The following EIF3B variants were observed in gnomAD, a reference collection of about 807,000 sequenced individuals.
The protein encoded by EIF3B is eukaryotic translation initiation factor 3 subunit B, also known as eukaryotic translation initiation factor 3 subunit 9.
In EIF3B, 10 loss-of-function variants were observed where a neutral mutation model predicts 104.6. That is an observed-to-expected ratio of 0.10 (90% CI 0.06 to 0.16). The LOEUF (loss-of-function observed/expected upper bound fraction) is 0.16. Among genes scored for constraint, EIF3B ranks in the 10% least tolerant of loss-of-function variants. The pLI is 1.00. For synonymous variants in EIF3B, 542 were observed against 417.2 expected (o/e 1.30, Z -3.65); for missense variants, 1,014 against 1,087.9 (o/e 0.93, Z 0.96).
chr7:2,367,026 T>C lies in EIF3B; in HGVS notation c.1384T>C (p.Leu462=). The C allele has an allele frequency of 6.2e-7, 1 of 1,613,878 alleles. No individual in the cohort carries two copies. Among genetic ancestry groups the C allele is most frequent in the South Asian group, 1.1e-5 (1 of 91,038 alleles). The change falls in exon 9 of 19, where the codon TTG becomes CTG. Residue 462 remains leucine (L), a synonymous_variant. Coordinates refer to ENST00000360876, the MANE Select transcript of EIF3B (RefSeq NM_001037283.2). The part of the protein sequence containing the change: ...PSMGLLDKKS[L]KISGIKDFSW... Reference sequence around the variant, plus strand: ...TATGGGTCTTTTGGACAAGAAGAGTTTGAAGATCTCTGGGATAAAGTGAGT... The same window carrying C: ...TATGGGTCTTTTGGACAAGAAGAGTCTGAAGATCTCTGGGATAAAGTGAGT...
At position 2,363,649 on chromosome 7, in the gene EIF3B, G is replaced by T; in HGVS notation, c.888G>T (p.Trp296Cys). 1 of 1,608,154 alleles carries T rather than the reference G, an allele frequency of 6.2e-7. No individual in the cohort carries two copies. Among genetic ancestry groups the T allele is most frequent in the Non-Finnish European group, 8.5e-7 (1 of 1,178,406 alleles). ...TTTTTAAGGGGAACTTACGTTACTG[G>T]CTTGAAGAGGCAGAATGCAGAGATC... ...PFKDLGNLRY[W>C]LEEAECRDQY... Residue 296 changes from tryptophan to cysteine, a missense_variant, in exon 5 of 19, where the codon TGG (tryptophan) becomes TGT (cysteine). By Grantham distance (215) the Trp-to-Cys change is radical. Coordinates refer to ENST00000360876, the MANE Select transcript of EIF3B (RefSeq NM_001037283.2).
chr7:2,363,603 A>G, intron 4 of EIF3B, 29 bp from the exon 5 acceptor site: 1 of 1,571,936 alleles, frequency 6.4e-7, no homozygotes, highest in Middle Eastern at 1.7e-4. Flanking sequence ...AATTAATGAA[A>G]TGTTATATTC....
intron 9 of EIF3B, among the ~76,000 whole-genome samples, chr7:2,367,615 A>G (rs1780095252): frequency 2.0e-5 from 3 of 151,048 alleles, no homozygotes; most frequent in Admixed American, 2.0e-4. Context: ...GACTACAGGC[A>G]TGTGCCACCA....
chr7:2,363,533 G>A, intron 4 of EIF3B, 99 bp from the exon 5 acceptor site: 10 of 1,087,472 alleles, frequency 9.2e-6, no homozygotes, highest in Non-Finnish European at 1.3e-5. Flanking sequence ...TGGGAGTTAA[G>A]ATGTGGACTG....
intron 15 of EIF3B, 58 bp downstream of exon 15, chr7:2,377,133 A>G: frequency 1.9e-6 from 3 of 1,542,652 alleles, no homozygotes; most frequent in East Asian, 2.3e-5. Flanking sequence ...GGCGTTGAAA[A>G]GGTGTCAGTT....
Position 2,379,889 on chromosome 7 carries a change from G to A in EIF3B, c.*15-315G>A, listed in dbSNP as rs554720963. 1.1e-5 allele frequency: 3 copies of A among 272,696 alleles called. No homozygotes were observed. The East Asian group carries it at 3.1e-4, about 29-fold the overall frequency. The allele number at this position is 272,696 out of a possible 1,614,324, so 16.9% of individuals were successfully genotyped here. On this transcript the variant is annotated intron_variant, in intron 18 of 18. Transcript: ENST00000360876. ...GTGCACGGCTGTGACTGTGGTTTCA[G>A]CAGTTCTGAGACAAGAGCCTTCCAA...
At position 2,378,186 on chromosome 7, in the gene EIF3B, C is replaced by T. The variant is rs55890083; in HGVS notation, c.2155-503C>T. ...GGTGTCAAGGAGGAAGGAGCAGGCG[C>T]GAGCGCTCCTGGGAAGCCGTGTTGT... On this transcript the variant is annotated intron_variant, in intron 15 of 18. Transcript: ENST00000360876. 90 of 94,150 alleles carry T rather than the reference C, an allele frequency of 9.6e-4. 1 individual carries two copies. The highest frequency in any genetic ancestry group is 1.3e-3 in the Non-Finnish European group (61 of 45,332). The allele number at this position is 94,150 out of a possible 1,614,324, so 5.8% of individuals were successfully genotyped here. A position where few individuals can be genotyped will look rare whatever the true frequency, so the allele number is the denominator to read the frequency against.
At chr7:2,354,581 A>G (rs1779276033), upstream of EIF3B, among the ~76,000 whole-genome samples, 2 of 152,170 alleles carry the variant, frequency 1.3e-5, no homozygotes, top group Non-Finnish European at 2.9e-5. Context: ...AAGGGGGAGG[A>G]CGCCATGTTG....
chr7:2,372,918 G>T, intron 12 of EIF3B, 123 bp downstream of exon 12: 1 of 1,149,532 alleles, frequency 8.7e-7, no homozygotes, highest in Non-Finnish European at 1.2e-6. Context: ...ACTCGCCTAT[G>T]AATGGGGTGT....
chr7:2,367,825 A>ATTTTTTTTT lies in EIF3B; in HGVS notation c.1403+806_1403+814dup, dbSNP rs71026506. Among the ~76,000 whole-genome samples, 74 of 60,300 alleles carry ATTTTTTTTT rather than the reference A, an allele frequency of 1.2e-3. 1 individual carries two copies. The highest frequency in any genetic ancestry group is 4.6e-3 in the African/African-American group (54 of 11,656). 39.6% of individuals were successfully genotyped at this position (60,300 alleles called of 152,430 possible). ...ACGGTGAGTTTGTTCTTTTTTTAAA[A>ATTTTTTTTT]TTTTTTTTTTTTTTTTTTTTTTTTT... On this transcript the variant is annotated intron_variant, in intron 9 of 18. Transcript: ENST00000360876.
rs771555375 is a variant in EIF3B, at chr7:2,362,705, C to T, written c.753C>T (p.Asp251=). The T allele has an allele frequency of 1.4e-5, 22 of 1,614,112 alleles. No individual in the cohort carries two copies. Among genetic ancestry groups the T allele is most frequent in the South Asian group, 3.3e-5 (3 of 91,090 alleles). Residue 251 remains aspartate (D), a synonymous_variant, in exon 3 of 19, where the codon GAC becomes GAT. Transcript: ENST00000360876. The part of the protein sequence containing the change: ...AHAVDAVKNA[D]GYKLDKQHTF... ...CTGTGGATGCTGTGAAGAACGCCGA[C>T]GGCTACAAGCTTGACAAGCAGCACA...
chr7:2,366,350 G>A lies in EIF3B; in HGVS notation c.1191G>A (p.Thr397=), dbSNP rs201449328. Residue 397 remains threonine, a synonymous_variant, in exon 7 of 19, where the codon ACG becomes ACA. Coordinates refer to ENST00000360876, the MANE Select transcript of EIF3B (RefSeq NM_001037283.2). The stretch of plus-strand genomic sequence containing the variant: ...TGACCTTTAGCCCCCTGATGGACAC[G>A]CAGGATGACCCTCAGGCCATAATCA... The part of the protein sequence containing the change: ...YLVTFSPLMD[T]QDDPQAIIIW... The A allele has an allele frequency of 1.2e-5, 19 of 1,612,856 alleles. No homozygotes were observed. Among genetic ancestry groups the A allele is most frequent in the Admixed American group, 3.3e-5 (2 of 59,760 alleles).
intron 6 of EIF3B, 87 bp downstream of exon 6, chr7:2,364,616 A>T (rs1779905207): frequency 7.7e-7 from 1 of 1,291,444 alleles, no homozygotes; most frequent in African/African-American, 1.5e-5. Flanking sequence ...GTAGCATTTC[A>T]AACTTAGTAG....
At chr7:2,377,135 G>C in intron 15 of EIF3B, 60 bp downstream of exon 15, 3 of 1,540,534 alleles carry the variant, frequency 1.9e-6, no homozygotes, top group South Asian at 2.4e-5. Flanking sequence ...CGTTGAAAAG[G>C]TGTCAGTTTT....
At chr7:2,370,109 T>G (rs1780246529) in intron 10 of EIF3B, among the ~76,000 whole-genome samples, 2 of 151,956 alleles carry the variant, frequency 1.3e-5, no homozygotes, top group Non-Finnish European at 2.9e-5. Flanking sequence ...GCACAAGGAG[T>G]AGTATACTCA....
At chr7:2,358,536 T>A (rs1471072108) in intron 1 of EIF3B, among the ~76,000 whole-genome samples, 1 of 152,124 alleles carries the variant, frequency 6.6e-6, no homozygotes, top group African/African-American at 2.4e-5. Context: ...ATCATTATTA[T>A]TATTATTTGA....
At chr7:2,362,819 G>T (rs536347353) in intron 3 of EIF3B, 55 bp downstream of exon 3, 64 of 1,609,462 alleles carry the variant, frequency 4.0e-5, no homozygotes, top group Non-Finnish European at 5.4e-5. Context: ...GTGACTGGCT[G>T]TGTGCGGGTG....
chr7:2,366,741 G>A, intron 8 of EIF3B, 150 bp downstream of exon 8: 1 of 924,476 alleles, frequency 1.1e-6, no homozygotes, highest in South Asian at 1.7e-5. Flanking sequence ...AACTGCCCCT[G>A]CTCTGGGCAG....
At position 2,376,858 on chromosome 7, in the gene EIF3B, C is replaced by A. The variant is rs1399099833; in HGVS notation, c.2029-92C>A. The A allele has an allele frequency of 7.8e-6, 12 of 1,528,826 alleles. No individual in the cohort carries two copies. The East Asian group carries it at 2.5e-4, about 32-fold the overall frequency. The allele number at this position is 1,528,826 out of a possible 1,614,324, so 94.7% of individuals were successfully genotyped here. A position where few individuals can be genotyped will look rare whatever the true frequency, so the allele number is the denominator to read the frequency against. ...AGCTTTGTTTGCTTCACACGTGTCC[C>A]CGATACCCAGGACCTTGTTCAGCAA... On this transcript the variant is annotated intron_variant, in intron 14 of 18. Transcript: ENST00000360876.
Sources: gnomAD v4.1 joint callset for allele counts (sites outside exome capture counted in the v4.1 genomes callset) on GRCh38, gnomAD v4.1.1 for gene constraint, MANE v1.5 for transcripts, NCBI Gene and HGNC (gene_info 2026-07-23, HGNC 2026-07-21) for gene names.